Variants in PLXNA4 observed in about 807,000 individuals in gnomAD.
PLXNA4 encodes plexin-A4.
Under a neutral mutation model 191.8 loss-of-function variants are expected in PLXNA4, and 44 were observed. The observed-to-expected ratio is 0.23, with a 90% confidence interval of 0.18 to 0.29. The LOEUF is 0.29. PLXNA4 is among the 10% of genes least tolerant of loss of function. The probability of loss-of-function intolerance (pLI) is 1.00; values close to 1 mark genes in which losing one functional copy is unlikely to be tolerated. For synonymous variants in PLXNA4, 1,082 were observed against 1,009.5 expected, an observed-to-expected ratio of 1.07 and a Z score of -1.36; for missense variants, 1,800 against 2,488.8, an observed-to-expected ratio of 0.72 and a Z score of 5.89.
At chr7:132,212,207 TTCTGATGGTGCTTTG>T (rs1218198848) in intron 9 of PLXNA4, among the ~76,000 whole-genome samples, 1 of 152,154 alleles carries the variant, frequency 6.6e-6, no homozygotes, top group Non-Finnish European at 1.5e-5. Flanking sequence ...CACGTGTTCT[TTCTGATGGTGCTTTG>T]TCATGGGCTC....
chr7:132,216,403 G>A (rs1256446942), intron 9 of PLXNA4, among the ~76,000 whole-genome samples: 1 of 152,180 alleles, frequency 6.6e-6, no homozygotes, highest in Non-Finnish European at 1.5e-5. Context: ...ACCAGTGAAT[G>A]AATACTGAAG....
At chr7:132,489,537 G>T in intron 2 of PLXNA4, 63 bp from the exon 3 acceptor site, 1 of 1,348,624 alleles carries the variant, frequency 7.4e-7, no homozygotes, top group Non-Finnish European at 1.0e-6. Context: ...GAGATATTAA[G>T]TCAGGAAACT....
chr7:132,141,573 G>A (rs760672069), intron 29 of PLXNA4, among the ~76,000 whole-genome samples: 2 of 152,126 alleles, frequency 1.3e-5, no homozygotes, highest in Non-Finnish European at 2.9e-5. Context: ...ACTACATGCC[G>A]GGAGGACTGT....
chr7:132,261,735 TG>T (rs1346926653), intron 4 of PLXNA4, among the ~76,000 whole-genome samples: 6 of 152,220 alleles, frequency 3.9e-5, no homozygotes, highest in Admixed American at 3.9e-4. Flanking sequence ...CAGTTCCAGA[TG>T]GTGCCTCCGA....
chr7:132,277,387 A>G (rs1000813659), intron 4 of PLXNA4, among the ~76,000 whole-genome samples: 1 of 152,224 alleles, frequency 6.6e-6, no homozygotes, highest in African/African-American at 2.4e-5. Flanking sequence ...ACCAACCACC[A>G]TGCAGGTCCT....
intron 3 of PLXNA4, among the ~76,000 whole-genome samples, chr7:132,414,102 A>T (rs930154873): frequency 2.0e-5 from 3 of 152,196 alleles, no homozygotes; most frequent in African/African-American, 7.2e-5. Context: ...CATCCATCCA[A>T]ATCAGCCTTC....
intron 3 of PLXNA4, chr7:132,383,426 A>T: frequency 2.4e-6 from 1 of 415,544 alleles, no homozygotes; most frequent in Non-Finnish European, 3.2e-6. Context: ...GAAAAAATGT[A>T]AATAAATAGA....
chr7:132,509,876 CT>C (rs1258335325), intron 1 of PLXNA4, among the ~76,000 whole-genome samples: 1 of 152,228 alleles, frequency 6.6e-6, no homozygotes, highest in African/African-American at 2.4e-5. Context: ...TCTGGGTTCA[CT>C]GCCCAACCCT....
intron 2 of PLXNA4, among the ~76,000 whole-genome samples, chr7:132,619,557 T>C (rs183661688): frequency 3.3e-4 from 50 of 152,368 alleles, no homozygotes; most frequent in Admixed American, 3.1e-3. Flanking sequence ...ATTGACTAAA[T>C]GTTTTGTATT....
chr7:132,477,411 C>A (rs1241850050), intron 3 of PLXNA4, among the ~76,000 whole-genome samples: 1 of 152,190 alleles, frequency 6.6e-6, no homozygotes, highest in African/African-American at 2.4e-5. Flanking sequence ...GCCATGAGAT[C>A]AACATGTCCC....
At chr7:132,614,907 T>C (rs1248120943) in intron 2 of PLXNA4, among the ~76,000 whole-genome samples, 6 of 152,062 alleles carry the variant, frequency 3.9e-5, no homozygotes, top group Admixed American at 3.9e-4. Flanking sequence ...GTCGCCTGTG[T>C]CCCGCCGGCT....
chr7:132,396,942 C>T (rs1047259298), intron 3 of PLXNA4, among the ~76,000 whole-genome samples: 4 of 152,232 alleles, frequency 2.6e-5, no homozygotes, highest in African/African-American at 7.2e-5. Flanking sequence ...CCTCCAGGGG[C>T]GGCCCTGCCC....
At chr7:132,241,622 G>A (rs184140273) in intron 4 of PLXNA4, among the ~76,000 whole-genome samples, 11 of 151,898 alleles carry the variant, frequency 7.2e-5, no homozygotes, top group South Asian at 6.2e-4. Flanking sequence ...TTCAAGTTTC[G>A]TCATTTTTGC....
intron 1 of PLXNA4, chr7:132,648,488 G>T (rs1259315148): frequency 6.6e-6 from 1 of 152,174 alleles, no homozygotes; most frequent in Non-Finnish European, 1.5e-5. Context: ...CCTAATGAGG[G>T]GGCTCCTCCG....
At chr7:132,405,070 G>A (rs75262312) in intron 3 of PLXNA4, among the ~76,000 whole-genome samples, 21 of 29,990 alleles carry the variant, frequency 7.0e-4, no homozygotes, top group Admixed American at 3.2e-3. Context: ...GTGTGTGTGT[G>A]TATGTGTGTG....
At chr7:132,437,310 C>T (rs550740320) in intron 3 of PLXNA4, among the ~76,000 whole-genome samples, 2 of 152,298 alleles carry the variant, frequency 1.3e-5, no homozygotes, top group East Asian at 1.9e-4. Flanking sequence ...TGCCTCCCTT[C>T]GTGGTCCTAA....
At chr7:132,634,135 C>T (rs1188867644) in intron 2 of PLXNA4, among the ~76,000 whole-genome samples, 3 of 152,124 alleles carry the variant, frequency 2.0e-5, no homozygotes, top group South Asian at 2.1e-4. Flanking sequence ...TGAGGGTCAT[C>T]TAAACCCTTG....
intron 4 of PLXNA4, among the ~76,000 whole-genome samples, chr7:132,248,794 A>T (rs1799145471): frequency 6.6e-6 from 1 of 152,240 alleles, no homozygotes; most frequent in Admixed American, 6.5e-5. Context: ...GCTGTCCAGA[A>T]GCAAAGATGT....
intron 1 of PLXNA4, among the ~76,000 whole-genome samples, chr7:132,563,968 CTCCTCCTCCTCCTTCTCCTCCTCCTCCTT>C (rs1801557585): frequency 1.7e-5 from 1 of 57,622 alleles, no homozygotes; most frequent in Non-Finnish European, 4.0e-5. Flanking sequence ...CCCATTCTTT[CTCCTCCTCCTCCTTCTCCTCCTCCTCCTT>C]CTCCTCCTCC....
Sources: allele counts gnomAD v4.1 joint callset (sites outside exome capture counted in the v4.1 genomes callset), GRCh38; gene constraint gnomAD v4.1.1; transcripts MANE v1.5; gene names NCBI Gene and HGNC (gene_info 2026-07-23, HGNC 2026-07-21).